The following ANK3 variants were observed in gnomAD, a reference collection of about 807,000 sequenced individuals.
ANK3 encodes ankyrin-3.
Under a neutral mutation model 370.9 loss-of-function variants are expected in ANK3, and 57 were observed. That is an observed-to-expected ratio of 0.15 (90% CI 0.12 to 0.19). The LOEUF (loss-of-function observed/expected upper bound fraction) is 0.19. ANK3 is among the 10% of genes least tolerant of loss of function. ANK3 has a pLI of 1.00. For synonymous variants in ANK3, 1,929 were observed against 1,946.3 expected (o/e 0.99, Z 0.23); for missense variants, 4,439 against 5,302.1 (o/e 0.84, Z 5.06).
Position 60,108,905 on chromosome 10 carries a change from G to A in ANK3, c.3098C>T (p.Pro1033Leu). ...RLVKRHKLAN[P>L]PPMVEGEGLA... ...TCCCTCTCCTTCCACCATGGGGGGT[G>A]GGTTGGCCAGTTTATGTCTCTTTAC... is the stretch of plus-strand genomic sequence containing the variant. The change falls in exon 27 of 44, where the codon CCA becomes CTA. Residue 1033 changes from proline to leucine, a missense_variant. Physicochemically the swap from Pro to Leu is moderately conservative, Grantham distance 98 (BLOSUM62 -3). Coordinates refer to ENST00000280772, the MANE Select transcript of ANK3 (RefSeq NM_020987.5). 1 of 1,614,110 alleles carries A rather than the reference G, an allele frequency of 6.2e-7. No individual in the cohort carries two copies. The highest frequency in any genetic ancestry group is 8.5e-7 in the Non-Finnish European group (1 of 1,179,982).
intron 1 of ANK3, among the ~76,000 whole-genome samples, chr10:60,303,465 T>G (rs928061801): frequency 2.0e-5 from 3 of 152,138 alleles, no homozygotes; most frequent in Non-Finnish European, 4.4e-5. Context: ...GCCTTACAAA[T>G]GACCAGCAGA....
intron 2 of ANK3, among the ~76,000 whole-genome samples, chr10:60,463,922 T>C (rs569372677): frequency 5.3e-5 from 8 of 152,312 alleles, no homozygotes; most frequent in South Asian, 4.1e-4. Context: ...GAAGACATTT[T>C]TAACTCTCTG....
intron 2 of ANK3, among the ~76,000 whole-genome samples, chr10:60,525,688 T>C (rs1281919930): frequency 6.6e-6 from 1 of 152,138 alleles, no homozygotes; most frequent in African/African-American, 2.4e-5. Context: ...CTTTACCATG[T>C]ATTTTGGTCC....
intron 1 of ANK3, among the ~76,000 whole-genome samples, chr10:60,335,975 T>A (rs1354462095): frequency 6.6e-6 from 1 of 152,102 alleles, no homozygotes; most frequent in Non-Finnish European, 1.5e-5. Context: ...GCAATAACCG[T>A]AAGTGCCCAC....
intron 1 of ANK3, among the ~76,000 whole-genome samples, chr10:60,336,545 G>C (rs939272103): frequency 6.6e-6 from 1 of 151,640 alleles, no homozygotes; most frequent in East Asian, 1.9e-4. Context: ...TGCATATTTC[G>C]GGTATGGTGG....
chr10:60,256,267 A>C (rs2097733336), intron 7 of ANK3, among the ~76,000 whole-genome samples: 1 of 152,150 alleles, frequency 6.6e-6, no homozygotes, highest in East Asian at 1.9e-4. Flanking sequence ...TAAAGTACTA[A>C]GTATTCACAC....
chr10:60,676,182 C>T (rs115209286), intron 1 of ANK3, among the ~76,000 whole-genome samples: 5,892 of 152,186 alleles, frequency 0.039, 149 homozygotes, highest in South Asian at 0.071. Context: ...GTTGATGTTG[C>T]AATTTTTAAA....
intron 2 of ANK3, among the ~76,000 whole-genome samples, chr10:60,491,068 T>A (rs2075487661): frequency 6.6e-6 from 1 of 152,238 alleles, no homozygotes; most frequent in Non-Finnish European, 1.5e-5. Flanking sequence ...TTGTTCAGTA[T>A]AATGCATTTG....
intron 42 of ANK3, among the ~76,000 whole-genome samples, chr10:60,052,016 T>G (rs747674143): frequency 6.6e-6 from 1 of 152,104 alleles, no homozygotes; most frequent in South Asian, 2.1e-4. Context: ...TCTATGAAAT[T>G]TTGGTCAAAT....
intron 23 of ANK3, among the ~76,000 whole-genome samples, chr10:60,164,741 G>A (rs1320288107): frequency 6.6e-6 from 1 of 152,134 alleles, no homozygotes; most frequent in Non-Finnish European, 1.5e-5. Flanking sequence ...CTCATTATTT[G>A]AAGGGCTTGG....
chr10:60,183,580 C>T (rs1452283029), intron 17 of ANK3, among the ~76,000 whole-genome samples: 1 of 151,986 alleles, frequency 6.6e-6, no homozygotes, highest in Non-Finnish European at 1.5e-5. Context: ...CACTTAGGGC[C>T]GGGCACAGTG....
chr10:60,657,689 T>C (rs934996225), intron 1 of ANK3, among the ~76,000 whole-genome samples: 1 of 152,158 alleles, frequency 6.6e-6, no homozygotes, highest in African/African-American at 2.4e-5. Flanking sequence ...TAAGGAGTAT[T>C]CTGTAGTTGT....
intron 38 of ANK3, 59 bp from the exon 39 acceptor site, chr10:60,064,347 T>A: frequency 6.7e-7 from 1 of 1,485,768 alleles, no homozygotes; most frequent in Non-Finnish European, 9.0e-7. Flanking sequence ...ACACGTTTCA[T>A]AAAAGTAATG....
At chr10:60,684,726 G>A (rs2079245482) in intron 1 of ANK3, 4 of 1,585,124 alleles carry the variant, frequency 2.5e-6, no homozygotes, top group Non-Finnish European at 3.4e-6. Context: ...TTCACTTCGG[G>A]GATGTAGGTG....
chr10:60,070,877 T>G lies in ANK3; in HGVS notation c.10004A>C (p.Lys3335Thr), dbSNP rs757974301. The change falls in exon 37 of 44, where the codon AAA becomes ACA. Residue 3335 changes from lysine to threonine, a missense_variant. Around this residue, in one of 13 missense-constraint regions of ANK3, gnomAD observed 1,601 missense variants for 1,731.7 expected, o/e 0.92. Coordinates refer to ENST00000280772, the MANE Select transcript of ANK3 (RefSeq NM_020987.5). The surrounding 1 kb of genome is among the most constrained non-coding windows in gnomAD (Gnocchi z 5.7). ...QPVPVKKYTFKLKEVDDEQKE... is the reference protein window; with the variant it reads ...QPVPVKKYTFTLKEVDDEQKE... Reference sequence around the variant, plus strand: ...TTGTTCATCGTCCACTTCCTTTAATTTGAAGGTATATTTTTTAACTGGGAC... The same window carrying G: ...TTGTTCATCGTCCACTTCCTTTAATGTGAAGGTATATTTTTTAACTGGGAC... The G allele has an allele frequency of 6.2e-7, 1 of 1,613,912 alleles. No homozygotes were observed. The highest frequency in any genetic ancestry group is 1.3e-5 in the African/African-American group (1 of 74,860).
At chr10:60,041,473 G>A (rs1461091061) in intron 43 of ANK3, among the ~76,000 whole-genome samples, 3 of 152,188 alleles carry the variant, frequency 2.0e-5, no homozygotes, top group African/African-American at 7.2e-5. Context: ...TTACTTATGT[G>A]AGCGTGGGCA....
At chr10:60,202,899 T>A in intron 12 of ANK3, 103 bp downstream of exon 12, 1 of 750,254 alleles carries the variant, frequency 1.3e-6, no homozygotes, top group South Asian at 2.0e-5. Flanking sequence ...AGAGCGATAC[T>A]CCAACTCTTA....
intron 1 of ANK3, among the ~76,000 whole-genome samples, chr10:60,727,080 C>T (rs1371072548): frequency 6.6e-6 from 1 of 152,054 alleles, no homozygotes; most frequent in Non-Finnish European, 1.5e-5. Flanking sequence ...GAGTTAAGTA[C>T]ATACTAACCT....
intron 2 of ANK3, among the ~76,000 whole-genome samples, chr10:60,489,258 C>A (rs1217662193): frequency 6.6e-6 from 1 of 152,160 alleles, no homozygotes; most frequent in African/African-American, 2.4e-5. Context: ...AAAATACCAA[C>A]CCTGAAAGTA....
Sources: gnomAD v4.1 joint callset for allele counts (sites outside exome capture counted in the v4.1 genomes callset) on GRCh38, gnomAD v4.1.1 for gene constraint, gnomAD v4.1.1 regional missense constraint, Gnocchi (gnomAD v3.1) non-coding constraint, MANE v1.5 for transcripts, NCBI Gene and HGNC (gene_info 2026-07-23, HGNC 2026-07-21) for gene names.